The following TESK1 variants were observed in gnomAD, a reference collection of about 807,000 sequenced individuals.
TESK1 encodes dual specificity testis-specific protein kinase 1.
Under a neutral mutation model 59.9 loss-of-function variants are expected in TESK1, and 18 were observed. The observed-to-expected ratio is 0.30, with a 90% CI of 0.21 to 0.45. TESK1 has a LOEUF of 0.45. Ranked by LOEUF, TESK1 falls within the 20% of genes least tolerant of loss-of-function variation. The pLI is 1.00. For missense variants in TESK1, 748 were observed against 840.9 expected (o/e 0.89, Z 1.37); for synonymous variants, 341 against 357.4 (o/e 0.95, Z 0.52).
chr9:35,609,277 C>T lies in TESK1; in HGVS notation c.1416C>T (p.Gly472=), dbSNP rs755004215. ...CTGAAGAGAAGATGGAGTGCGAGGG[C>T]AGCAGCCCTGAGCCGGAACCTCCAG... The part of the protein sequence containing the change: ...PSAEEKMECE[G]SSPEPEPPGP... Residue 472 remains glycine (G), a synonymous_variant, in exon 10 of 10, where the codon GGC becomes GGT. Transcript: ENST00000336395. The surrounding 1 kb of genome is among the most constrained non-coding windows in gnomAD (Gnocchi z 6.7). The T allele has an allele frequency of 4.3e-6, 7 of 1,614,144 alleles. No homozygotes were observed. Among genetic ancestry groups the T allele is most frequent in the East Asian group, 2.2e-5 (1 of 44,882 alleles).
At chr9:35,606,816 C>T in intron 3 of TESK1, 21 bp from the exon 4 acceptor site, 2 of 1,580,078 alleles carry the variant, frequency 1.3e-6, no homozygotes, top group Non-Finnish European at 1.7e-6. Flanking sequence ...CATCTATTCC[C>T]ATTCTCCTCC....
chr9:35,608,651 C>G (rs1172023779), intron 9 of TESK1, 142 bp downstream of exon 9: 1 of 946,504 alleles, frequency 1.1e-6, no homozygotes, highest in Non-Finnish European at 1.6e-6. Flanking sequence ...GAGGACATCT[C>G]CAAGAAGACA....
In TESK1 at chr9:35,609,684, G is replaced by A. The variant is rs768324368; in HGVS notation, c.1823G>A (p.Arg608Gln). ...NCEAGSLLCH[R>Q]GHHAKPPTPS... ...GAGGCGGGCAGTCTCCTCTGCCACCGAGGGCACCACGCCAAGCCACCCACA... is the reference window on the plus strand; with the variant it reads ...GAGGCGGGCAGTCTCCTCTGCCACCAAGGGCACCACGCCAAGCCACCCACA... The change falls in exon 10 of 10, where the codon CGA (arginine) becomes CAA (glutamine). Residue 608 changes from arginine (R) to glutamine (Q), a missense_variant. Coordinates refer to ENST00000336395, the MANE Select transcript of TESK1 (RefSeq NM_006285.3). The surrounding 1 kb of genome is among the most constrained non-coding windows in gnomAD (Gnocchi z 6.7). The A allele has an allele frequency of 8.1e-6, 13 of 1,602,220 alleles. No individual in the cohort carries two copies. The highest frequency in any genetic ancestry group is 2.2e-5 in the East Asian group (1 of 44,880).
Position 35,607,477 on chromosome 9 carries a change from A to T in TESK1, c.620+68A>T, listed in dbSNP as rs1053450810. 2 of 1,597,688 alleles carry T rather than the reference A, an allele frequency of 1.3e-6. No individual in the cohort carries two copies. The highest frequency in any genetic ancestry group is 2.7e-5 in the African/African-American group (2 of 74,508). Reference sequence around the variant, plus strand: ...CCCTATCTGATGTCCCCAGAGCCCCAGGGATGTTTCCCTTGGGGAACGGAG... The same window carrying T: ...CCCTATCTGATGTCCCCAGAGCCCCTGGGATGTTTCCCTTGGGGAACGGAG... On this transcript the variant is annotated intron_variant, in intron 5 of 9. Transcript: ENST00000336395. This position sits in a 1 kb window ranked among gnomAD's most constrained non-coding sequence, Gnocchi z 4.5.
In TESK1 at chr9:35,607,770, C is replaced by G; in HGVS notation, c.711+98C>G. 1.6e-6 allele frequency: 2 copies of G among 1,281,414 alleles called. No homozygotes were observed. The highest frequency in any genetic ancestry group is 1.1e-6 in the Non-Finnish European group (1 of 903,542). 79.4% of individuals were successfully genotyped at this position (1,281,414 alleles called of 1,614,324 possible). A position where few individuals can be genotyped will look rare whatever the true frequency, so the allele number is the denominator to read the frequency against. On this transcript the variant is annotated intron_variant, in intron 6 of 9. Transcript: ENST00000336395. The surrounding 1 kb of genome is among the most constrained non-coding windows in gnomAD (Gnocchi z 4.5). ...CCCCAAAACAACCCTACCAGATCTT[C>G]AGGAGTCCCCAAGATCCCTTTGCCC... is the stretch of plus-strand genomic sequence containing the variant.
Position 35,605,968 on chromosome 9 carries a change from C to T in TESK1, c.220-16C>T. 1 of 1,613,130 alleles carries T rather than the reference C, an allele frequency of 6.2e-7. No individual in the cohort carries two copies. Among genetic ancestry groups the T allele is most frequent in the South Asian group, 1.1e-5 (1 of 91,028 alleles). On this transcript the variant is annotated splice_polypyrimidine_tract_variant and intron_variant, in intron 1 of 9. Coordinates refer to ENST00000336395, the MANE Select transcript of TESK1 (RefSeq NM_006285.3). Reference sequence around the variant, plus strand: ...GCCCGACCTGCCCGGCCCTCGCCGGCTGCTCCTGCCCCCAGGTTCGGCACC... The same window carrying T: ...GCCCGACCTGCCCGGCCCTCGCCGGTTGCTCCTGCCCCCAGGTTCGGCACC...
chr9:35,609,638 C>T lies in TESK1; in HGVS notation c.1777C>T (p.Arg593Cys), dbSNP rs1392047965. The change falls in exon 10 of 10, where the codon CGC becomes TGC. Residue 593 changes from arginine to cysteine, a missense_variant. Physicochemically the swap from Arg to Cys is radical, Grantham distance 180. This residue lies in a region of TESK1 where 447 missense variants were observed against 466.1 expected (regional missense o/e 0.96). Coordinates refer to ENST00000336395, the MANE Select transcript of TESK1 (RefSeq NM_006285.3). The surrounding 1 kb of genome is among the most constrained non-coding windows in gnomAD (Gnocchi z 6.7). Reference sequence around the variant, plus strand: ...CCCCCGCCCCACACCAGCTGTTGCCCGCTACCGCAACCTGAACTGTGAGGC... The same window carrying T: ...CCCCCGCCCCACACCAGCTGTTGCCTGCTACCGCAACCTGAACTGTGAGGC... ...MCPRPTPAVA[R>C]YRNLNCEAGS... 3.7e-6 allele frequency: 6 copies of T among 1,608,996 alleles called. No individual in the cohort carries two copies. The highest frequency in any genetic ancestry group is 4.2e-6 in the Non-Finnish European group (5 of 1,179,946).
Position 35,607,574 on chromosome 9 carries a change from C to T in TESK1, c.621-8C>T. On this transcript the variant is annotated splice_polypyrimidine_tract_variant and splice_region_variant and intron_variant, in intron 5 of 9. Transcript: ENST00000336395. The surrounding 1 kb of genome is among the most constrained non-coding windows in gnomAD (Gnocchi z 4.5). ...ATGCTTCTGACCACTCTGCCCCTGC[C>T]CCTGCAGGGAGGGGGCAAGGAAGGA... is the stretch of plus-strand genomic sequence containing the variant. 1 of 1,611,898 alleles carries T rather than the reference C, an allele frequency of 6.2e-7. No individual in the cohort carries two copies. Among genetic ancestry groups the T allele is most frequent in the Non-Finnish European group, 8.5e-7 (1 of 1,178,176 alleles).
chr9:35,609,491 G>C lies in TESK1; in HGVS notation c.1630G>C (p.Ala544Pro). ...WNRAQHSLPRAAALERTEPSP... is the reference protein window; with the variant it reads ...WNRAQHSLPRPAALERTEPSP... The stretch of plus-strand genomic sequence containing the variant: ...CCGGGCCCAGCATAGCCTGCCCCGG[G>C]CGGCAGCCCTGGAGCGGACAGAACC... The change falls in exon 10 of 10, where the codon GCG (alanine) becomes CCG (proline). Residue 544 changes from alanine to proline, a missense_variant. Around this residue, in one of 3 missense-constraint regions of TESK1, gnomAD observed 447 missense variants for 466.1 expected, o/e 0.96. Coordinates refer to ENST00000336395, the MANE Select transcript of TESK1 (RefSeq NM_006285.3). This position sits in a 1 kb window ranked among gnomAD's most constrained non-coding sequence, Gnocchi z 6.7. 5 of 1,604,798 alleles carry C rather than the reference G, an allele frequency of 3.1e-6. No homozygotes were observed. Among genetic ancestry groups the C allele is most frequent in the Non-Finnish European group, 3.4e-6 (4 of 1,174,870 alleles).
At position 35,607,380 on chromosome 9, in the gene TESK1, C is replaced by T. The variant is rs368481070; in HGVS notation, c.591C>T (p.Phe197=). The change falls in exon 5 of 10, where the codon TTC becomes TTT. Residue 197 remains phenylalanine (F), a synonymous_variant. Transcript: ENST00000336395. The surrounding 1 kb of genome is among the most constrained non-coding windows in gnomAD (Gnocchi z 4.5). Reference sequence around the variant, plus strand: ...GCTTCACCGCTGTCGTGGGTGACTTCGGGCTGGCCGAAAAGATTCCTGTGT... The same window carrying T: ...GCTTCACCGCTGTCGTGGGTGACTTTGGGCTGGCCGAAAAGATTCCTGTGT... ...DRGFTAVVGD[F]GLAEKIPVYR... is the part of the protein sequence containing the mutation. The T allele has an allele frequency of 5.5e-5, 88 of 1,614,030 alleles. No individual in the cohort carries two copies. The highest frequency in any genetic ancestry group is 7.4e-5 in the Non-Finnish European group (87 of 1,180,032).
Position 35,609,673 on chromosome 9 carries a change from C to A in TESK1, c.1812C>A (p.Leu604=), listed in dbSNP as rs779506569. The A allele has an allele frequency of 1.9e-6, 3 of 1,603,248 alleles. No homozygotes were observed. The East Asian group carries it at 6.7e-5, about 36-fold the overall frequency. The change falls in exon 10 of 10, where the codon CTC becomes CTA. Residue 604 remains leucine (L), a synonymous_variant. Coordinates refer to ENST00000336395, the MANE Select transcript of TESK1 (RefSeq NM_006285.3). This position sits in a 1 kb window ranked among gnomAD's most constrained non-coding sequence, Gnocchi z 6.7. ...YRNLNCEAGS[L]LCHRGHHAKP... is the part of the protein sequence containing the mutation. ...ACCTGAACTGTGAGGCGGGCAGTCT[C>A]CTCTGCCACCGAGGGCACCACGCCA...
chr9:35,608,899 C>A lies in TESK1; in HGVS notation c.1038C>A (p.Pro346=). The change falls in exon 10 of 10, where the codon CCC becomes CCA. Residue 346 remains proline (P), a synonymous_variant. Coordinates refer to ENST00000336395, the MANE Select transcript of TESK1 (RefSeq NM_006285.3). ...VARGGPSATL[P]RPDPRLSRSR... ...GAGGGGGTCCCTCTGCCACGCTTCC[C>A]AGGCCAGATCCCCGGCTTTCCCGAA... The A allele has an allele frequency of 6.2e-7, 1 of 1,608,312 alleles. No individual in the cohort carries two copies. The highest frequency in any genetic ancestry group is 8.5e-7 in the Non-Finnish European group (1 of 1,176,492).
Position 35,609,805 on chromosome 9 carries a change from C to CA in TESK1, c.*64dup. On this transcript the variant is annotated 3_prime_UTR_variant, in exon 10 of 10. Coordinates refer to ENST00000336395, the MANE Select transcript of TESK1 (RefSeq NM_006285.3). This position sits in a 1 kb window ranked among gnomAD's most constrained non-coding sequence, Gnocchi z 6.7. Reference sequence around the variant, plus strand: ...TTCAGGACACCCTGTAAGAACAGAGCACACTTGCTGGACAGTGCCAGTTCC... The same window carrying CA: ...TTCAGGACACCCTGTAAGAACAGAGCAACACTTGCTGGACAGTGCCAGTTCC... 2 of 1,464,054 alleles carry CA rather than the reference C, an allele frequency of 1.4e-6. No individual in the cohort carries two copies. Among genetic ancestry groups the CA allele is most frequent in the Non-Finnish European group, 1.8e-6 (2 of 1,107,890 alleles). 90.7% of individuals were successfully genotyped at this position (1,464,054 alleles called of 1,614,324 possible).
chr9:35,609,749 A>G lies in TESK1; in HGVS notation c.*7A>G. On this transcript the variant is annotated 3_prime_UTR_variant, in exon 10 of 10. Transcript: ENST00000336395. The surrounding 1 kb of genome is among the most constrained non-coding windows in gnomAD (Gnocchi z 6.7). Reference sequence around the variant, plus strand: ...GCCTGGGGCACGCTCTTAGCAGTGGAGCCCGTGGTCTCAGGCCTCCAACTT... The same window carrying G: ...GCCTGGGGCACGCTCTTAGCAGTGGGGCCCGTGGTCTCAGGCCTCCAACTT... 1 of 1,571,930 alleles carries G rather than the reference A, an allele frequency of 6.4e-7. No individual in the cohort carries two copies. The highest frequency in any genetic ancestry group is 8.6e-7 in the Non-Finnish European group (1 of 1,164,672).
Position 35,608,996 on chromosome 9 carries a change from A to T in TESK1, c.1135A>T (p.Asn379Tyr). 6.2e-7 allele frequency: 1 copy of T among 1,614,214 alleles called. No homozygotes were observed. Among genetic ancestry groups the T allele is most frequent in the Non-Finnish European group, 8.5e-7 (1 of 1,180,036 alleles). The change falls in exon 10 of 10, where the codon AAC becomes TAC. Residue 379 changes from asparagine (N) to tyrosine (Y), a missense_variant. Asn to Tyr is a moderately radical substitution (Grantham distance 143, BLOSUM62 -2). Coordinates refer to ENST00000336395, the MANE Select transcript of TESK1 (RefSeq NM_006285.3). ...PNWGDNLTRV[N>Y]PFSLREDLRG... is the part of the protein sequence containing the mutation. ...CTGGGGGGACAATCTGACTCGAGTC[A>T]ACCCCTTCTCACTACGGGAAGACCT... is the stretch of plus-strand genomic sequence containing the variant.
chr9:35,608,878 G>A lies in TESK1; in HGVS notation c.1017G>A (p.Gly339=). Residue 339 remains glycine (G), a synonymous_variant, in exon 10 of 10, where the codon GGG becomes GGA. Transcript: ENST00000336395. The part of the protein sequence containing the change: ...LTHNQGSVAR[G]GPSATLPRPD... Reference sequence around the variant, plus strand: ...TATCTACAGGCTCTGTTGCAAGAGGGGGTCCCTCTGCCACGCTTCCCAGGC... The same window carrying A: ...TATCTACAGGCTCTGTTGCAAGAGGAGGTCCCTCTGCCACGCTTCCCAGGC... The A allele has an allele frequency of 1.3e-6, 2 of 1,590,732 alleles. No homozygotes were observed. Among genetic ancestry groups the A allele is most frequent in the South Asian group, 1.1e-5 (1 of 87,320 alleles).
At position 35,607,900 on chromosome 9, in the gene TESK1, C is replaced by T. The variant is rs748104035; in HGVS notation, c.712-28C>T. On this transcript the variant is annotated intron_variant, in intron 6 of 9. Transcript: ENST00000336395. The surrounding 1 kb of genome is among the most constrained non-coding windows in gnomAD (Gnocchi z 4.5). ...TCTGAAATGAAAACTGTTAATTCTT[C>T]CCCGACACTATTATCTCTGACCCCC... The T allele has an allele frequency of 3.0e-5, 49 of 1,609,176 alleles. No individual in the cohort carries two copies. Among genetic ancestry groups the T allele is most frequent in the Non-Finnish European group, 3.9e-5 (46 of 1,177,286 alleles).
Position 35,609,361 on chromosome 9 carries a change from C to T in TESK1, c.1500C>T (p.Ser500=), listed in dbSNP as rs1822927117. Residue 500 remains serine, a synonymous_variant, in exon 10 of 10, where the codon TCC becomes TCT. Coordinates refer to ENST00000336395, the MANE Select transcript of TESK1 (RefSeq NM_006285.3). The surrounding 1 kb of genome is among the most constrained non-coding windows in gnomAD (Gnocchi z 6.7). ...VATDNFISTC[S]SASQPWSPRS... ...CAGACAACTTCATCAGCACCTGTTC[C>T]TCGGCCTCCCAACCCTGGTCCCCTA... The T allele has an allele frequency of 1.1e-5, 17 of 1,612,928 alleles. No homozygotes were observed. Among genetic ancestry groups the T allele is most frequent in the Non-Finnish European group, 1.4e-5 (17 of 1,179,554 alleles).
rs1363815804 is a variant in TESK1, at chr9:35,608,031, CAAAG to C, written c.795+27_795+30del. On this transcript the variant is annotated intron_variant, in intron 7 of 9. Transcript: ENST00000336395. Reference sequence around the variant, plus strand: ...ACTGAGGTGAATGTTTCTAGGTTTGCAAAGAAAGAATTCCAGACTAGCTGGCTCA... The same window carrying C: ...ACTGAGGTGAATGTTTCTAGGTTTGCAAAGAATTCCAGACTAGCTGGCTCA... 1 of 1,613,532 alleles carries C rather than the reference CAAAG, an allele frequency of 6.2e-7. No individual in the cohort carries two copies. Among genetic ancestry groups the C allele is most frequent in the African/African-American group, 1.3e-5 (1 of 74,904 alleles).
Sources: allele counts gnomAD v4.1 joint callset, GRCh38; gene constraint gnomAD v4.1.1; regional missense constraint gnomAD v4.1.1; non-coding constraint Gnocchi (gnomAD v3.1); transcripts MANE v1.5; gene names NCBI Gene and HGNC (gene_info 2026-07-23, HGNC 2026-07-21).